PDE4D: variants seen among roughly 807,000 people sequenced by gnomAD.
PDE4D encodes the protein phosphodiesterase 4D.
A neutral mutation model predicts 87.4 loss-of-function variants in PDE4D; 24 were observed. That is an observed-to-expected ratio of 0.27 (90% CI 0.20 to 0.39). The LOEUF (loss-of-function observed/expected upper bound fraction) is 0.39. PDE4D is among the 10% of genes least tolerant of loss of function. The pLI, the probability that PDE4D is intolerant of heterozygous loss-of-function variation, is 1.00. For missense variants in PDE4D, 714 were observed against 1,041.0 expected (o/e 0.69, Z 4.32); for synonymous variants, 384 against 383.2 (o/e 1.00, Z -0.02).
intron 1 of PDE4D, among the ~76,000 whole-genome samples, chr5:59,724,893 C>T (rs1756376283): frequency 6.6e-6 from 1 of 152,102 alleles, no homozygotes; most frequent in African/African-American, 2.4e-5. Flanking sequence ...CCATTTATGA[C>T]TAGAATTTTA....
chr5:59,281,909 A>T (rs1211753822), intron 1 of PDE4D, among the ~76,000 whole-genome samples: 1 of 152,222 alleles, frequency 6.6e-6, no homozygotes, highest in Non-Finnish European at 1.5e-5. Context: ...CAAAGTTTGA[A>T]GATAACAATT....
intron 1 of PDE4D, among the ~76,000 whole-genome samples, chr5:59,529,606 T>TAAAC (rs1294993141): frequency 1.3e-5 from 2 of 152,196 alleles, no homozygotes; most frequent in Non-Finnish European, 2.9e-5. Context: ...ACAAAAAAGT[T>TAAAC]TGTTTCCTTC....
chr5:59,444,642 C>T (rs913755137), intron 1 of PDE4D, among the ~76,000 whole-genome samples: 1 of 152,080 alleles, frequency 6.6e-6, no homozygotes, highest in Non-Finnish European at 1.5e-5. Context: ...GAAACCCCGT[C>T]TCTACTAAAA....
chr5:59,456,657 T>C (rs1241596804), intron 1 of PDE4D, among the ~76,000 whole-genome samples: 2 of 152,196 alleles, frequency 1.3e-5, no homozygotes, highest in Non-Finnish European at 2.9e-5. Flanking sequence ...ATTCTTCTGA[T>C]GTATATGGAT....
chr5:60,291,689 A>AT lies in PDE4D; in HGVS notation c.-89-106003dup, dbSNP rs199915891. On this transcript the variant is annotated intron_variant, in intron 1 of 16. Coordinates refer to the PDE4D transcript ENST00000502484. ...TGAGATTCTATTTATAAAAAACAAA[A>AT]TTAAAAAAAAAACCATGTAAGGCTA... 4.6e-3 allele frequency among the ~76,000 whole-genome samples: 704 copies of AT among 152,116 alleles called. 8 individuals carry two copies. Among genetic ancestry groups the AT allele is most frequent in the African/African-American group, 0.014 (595 of 41,532 alleles).
intron 1 of PDE4D, among the ~76,000 whole-genome samples, chr5:59,851,303 A>T (rs1443959681): frequency 6.6e-6 from 1 of 152,088 alleles, no homozygotes; most frequent in Admixed American, 6.6e-5. Context: ...TGCCAAAGCC[A>T]TAACCACTGA....
intron 1 of PDE4D, among the ~76,000 whole-genome samples, chr5:59,664,521 A>G (rs1469252432): frequency 6.6e-6 from 1 of 152,224 alleles, no homozygotes; most frequent in Non-Finnish European, 1.5e-5. Flanking sequence ...AAAATTTAGC[A>G]GACAGGAGAA....
At chr5:60,213,692 G>C (rs780409860) in intron 1 of PDE4D, among the ~76,000 whole-genome samples, 3 of 152,098 alleles carry the variant, frequency 2.0e-5, no homozygotes, top group Non-Finnish European at 4.4e-5. Context: ...TCCAAGAGTA[G>C]CCTTGGCTGC....
intron 1 of PDE4D, among the ~76,000 whole-genome samples, chr5:60,344,141 T>C (rs1758541152): frequency 6.6e-6 from 1 of 151,968 alleles, no homozygotes; most frequent in African/African-American, 2.4e-5. Context: ...AACATAACAA[T>C]AGGTTAGACA....
intron 1 of PDE4D, among the ~76,000 whole-genome samples, chr5:60,254,808 G>C (rs1200715107): frequency 2.6e-5 from 4 of 151,862 alleles, no homozygotes; most frequent in Non-Finnish European, 5.9e-5. Flanking sequence ...TCTATGACAT[G>C]AGAATATTAA....
At chr5:59,474,931 C>T (rs1803060373) in intron 1 of PDE4D, among the ~76,000 whole-genome samples, 1 of 151,618 alleles carries the variant, frequency 6.6e-6, no homozygotes, top group African/African-American at 2.4e-5. Flanking sequence ...TTTTTTTTCC[C>T]CCTAAAAAGG....
intron 1 of PDE4D, among the ~76,000 whole-genome samples, chr5:59,749,048 A>C (rs1233453958): frequency 1.3e-5 from 2 of 152,168 alleles, no homozygotes; most frequent in Non-Finnish European, 2.9e-5. Context: ...TTTCTCAGAA[A>C]CTGTATGCAA....
intron 1 of PDE4D, among the ~76,000 whole-genome samples, chr5:59,880,195 C>A (rs913726173): frequency 2.0e-5 from 3 of 151,978 alleles, no homozygotes; most frequent in African/African-American, 7.3e-5. Flanking sequence ...AACCTTGAAC[C>A]CCTGGGCTCA....
intron 1 of PDE4D, among the ~76,000 whole-genome samples, chr5:60,316,959 G>A (rs180960292): frequency 1.3e-5 from 2 of 152,110 alleles, no homozygotes; most frequent in East Asian, 3.9e-4. Context: ...TTTTTTTGTT[G>A]TGTCTCTGCC....
chr5:59,669,904 G>A (rs750833199), intron 1 of PDE4D, among the ~76,000 whole-genome samples: 2 of 151,996 alleles, frequency 1.3e-5, no homozygotes, highest in Non-Finnish European at 2.9e-5. Context: ...AGCATTTTGG[G>A]CATGATTTCA....
At chr5:60,453,302 G>C (rs1457093010) in intron 1 of PDE4D, among the ~76,000 whole-genome samples, 1 of 152,072 alleles carries the variant, frequency 6.6e-6, no homozygotes, top group African/African-American at 2.4e-5. Context: ...GATGTGAATG[G>C]ATTTCTAATT....
At chr5:59,234,462 A>G (rs559591052) in intron 1 of PDE4D, among the ~76,000 whole-genome samples, 166 of 152,172 alleles carry the variant, frequency 1.1e-3, no homozygotes, top group Admixed American at 5.0e-3. Flanking sequence ...TTCAGCAAAG[A>G]TTTTTCTAAC....
intron 1 of PDE4D, among the ~76,000 whole-genome samples, chr5:59,308,217 G>T (rs918082262): frequency 2.6e-5 from 4 of 150,968 alleles, no homozygotes; most frequent in South Asian, 2.1e-4. Flanking sequence ...GTTGTGGGGT[G>T]GGGGGAAGGG....
chr5:59,213,164 T>C (rs1005637469), intron 2 of PDE4D, among the ~76,000 whole-genome samples: 18 of 134,402 alleles, frequency 1.3e-4, no homozygotes, highest in Middle Eastern at 3.7e-3. Context: ...CCTTCTTCTT[T>C]TTTTCTTTTT....
Sources: gnomAD v4.1 joint callset for allele counts (sites outside exome capture counted in the v4.1 genomes callset) on GRCh38, gnomAD v4.1.1 for gene constraint, MANE v1.5 for transcripts, NCBI Gene and HGNC (gene_info 2026-07-23, HGNC 2026-07-21) for gene names.